The following ANK1 variants were observed in gnomAD, a reference collection of about 807,000 sequenced individuals.
The protein encoded by ANK1 is ankyrin-1.
Under a neutral mutation model 210.4 loss-of-function variants are expected in ANK1, and 51 were observed. The ratio of observed to expected loss-of-function variants is 0.24; its 90% CI spans 0.19 to 0.31. ANK1 has a LOEUF of 0.31. Among genes scored for constraint, ANK1 ranks in the 10% least tolerant of loss-of-function variants. The pLI is 1.00. For missense variants in ANK1, 2,051 were observed against 2,504.4 expected (o/e 0.82, Z 3.86); for synonymous variants, 967 against 1,025.9 (o/e 0.94, Z 1.10).
chr8:41,865,148 G>A (rs1402442071), intron 1 of ANK1, among the ~76,000 whole-genome samples: 1 of 152,154 alleles, frequency 6.6e-6, no homozygotes, highest in Admixed American at 6.5e-5. Context: ...AAGAGCTTGG[G>A]GTCCATGAGC....
Position 41,692,747 on chromosome 8 carries a change from C to T in ANK1, c.3759G>A (p.Glu1253=), listed in dbSNP as rs1819626077. The change falls in exon 31 of 43, where the codon GAG becomes GAA. Residue 1253 remains glutamate (E), a synonymous_variant. Coordinates refer to ENST00000289734, the MANE Select transcript of ANK1 (RefSeq NM_000037.4). The stretch of plus-strand genomic sequence containing the variant: ...TCATGCAGTAGCAGCGCAGGCGCCC[C>T]TCTCGGGGGTCATTCATCTTGGCAA... The part of the protein sequence containing the change: ...VIFAKMNDPR[E]GRLRCYCMTD... 1.2e-6 allele frequency: 2 copies of T among 1,614,106 alleles called. No homozygotes were observed. Among genetic ancestry groups the T allele is most frequent in the Middle Eastern group, 1.7e-4 (1 of 6,060 alleles).
intron 2 of ANK1, among the ~76,000 whole-genome samples, chr8:41,737,454 T>G (rs1163016185): frequency 1.3e-5 from 2 of 152,180 alleles, no homozygotes; most frequent in African/African-American, 4.8e-5. Flanking sequence ...TATTCATCAC[T>G]CTGATCTGCA....
At chr8:41,843,828 GAC>G (rs1449403747) in intron 1 of ANK1, among the ~76,000 whole-genome samples, 2 of 152,230 alleles carry the variant, frequency 1.3e-5, no homozygotes, top group Non-Finnish European at 2.9e-5. Context: ...ATCAGAGAGA[GAC>G]AGGTCGGGAA....
At chr8:41,677,486 T>C (rs1814539789) in intron 37 of ANK1, among the ~76,000 whole-genome samples, 1 of 152,152 alleles carries the variant, frequency 6.6e-6, no homozygotes, top group Non-Finnish European at 1.5e-5. Flanking sequence ...TATAGAAGTC[T>C]AGGTTACTTT....
chr8:41,686,414 C>G, intron 35 of ANK1, 131 bp from the exon 36 acceptor site: 1 of 1,176,448 alleles, frequency 8.5e-7, no homozygotes, highest in South Asian at 1.2e-5. Flanking sequence ...TCTGAGGCAG[C>G]CTCCCTGTGG....
chr8:41,732,313 A>G (rs1306047892), intron 3 of ANK1, among the ~76,000 whole-genome samples: 1 of 152,224 alleles, frequency 6.6e-6, no homozygotes. Context: ...AGAACTCCAG[A>G]AGAAAAACAT....
intron 1 of ANK1, among the ~76,000 whole-genome samples, chr8:41,863,589 A>G (rs1813720185): frequency 6.6e-6 from 1 of 152,210 alleles, no homozygotes; most frequent in South Asian, 2.1e-4. Context: ...TTTCTCACTT[A>G]TTAGTAGTAT....
intron 37 of ANK1, among the ~76,000 whole-genome samples, chr8:41,674,443 G>A (rs919162999): frequency 5.3e-5 from 8 of 152,274 alleles, no homozygotes; most frequent in East Asian, 1.9e-4. Context: ...TCGCTAAGGC[G>A]GTTCTCAGAA....
At chr8:41,859,342 G>A (rs1198876688) in intron 1 of ANK1, among the ~76,000 whole-genome samples, 1 of 147,742 alleles carries the variant, frequency 6.8e-6, no homozygotes, top group East Asian at 1.9e-4. Flanking sequence ...GTTTGTGTTT[G>A]TTTGTTTGTT....
At chr8:41,699,337 G>T in intron 23 of ANK1, 115 bp downstream of exon 23, 1 of 960,754 alleles carries the variant, frequency 1.0e-6, no homozygotes, top group Non-Finnish European at 1.7e-6. Context: ...CTCTCTCTGC[G>T]GGCAGCGAGC....
intron 1 of ANK1, among the ~76,000 whole-genome samples, chr8:41,858,465 G>A (rs1432677415): frequency 3.3e-5 from 5 of 152,218 alleles, no homozygotes; most frequent in African/African-American, 1.2e-4. Context: ...ACTGGGGGAG[G>A]CCCTGTGGGC....
At position 41,829,523 on chromosome 8, in the gene ANK1, C is replaced by G. The variant is rs534090195; in HGVS notation, c.126+66832G>C. ...CCCCAGCGTGCAGTCGATGCCTTCT[C>G]CTAGTCCCACTCACCGTGTAAGACC... is the stretch of plus-strand genomic sequence containing the variant. On this transcript the variant is annotated intron_variant, in intron 1 of 42. Transcript: ENST00000265709. 2.6e-5 allele frequency: 4 copies of G among 152,358 alleles called. No individual in the cohort carries two copies. The South Asian group carries it at 8.3e-4, about 32-fold the overall frequency. 9.4% of individuals were successfully genotyped at this position (152,358 alleles called of 1,614,324 possible). A position where few individuals can be genotyped will look rare whatever the true frequency, so the allele number is the denominator to read the frequency against.
intron 3 of ANK1, among the ~76,000 whole-genome samples, chr8:41,732,383 G>C (rs566526048): frequency 3.3e-5 from 5 of 152,244 alleles, no homozygotes; most frequent in Admixed American, 6.5e-5. Context: ...CAGTACTTGA[G>C]TTAGCAAATG....
At chr8:41,740,306 G>A (rs7838541) in intron 2 of ANK1, among the ~76,000 whole-genome samples, 31,835 of 151,748 alleles carry the variant, frequency 0.21, 4,240 homozygotes, top group South Asian at 0.29. Context: ...GATTACAGGC[G>A]TCTGCCACCA....
intron 38 of ANK1, 83 bp downstream of exon 38, chr8:41,672,271 C>T (rs80105613): frequency 0.029 from 42,624 of 1,492,074 alleles, 697 homozygotes; most frequent in Non-Finnish European, 0.034. Context: ...GGCATCGACA[C>T]CTCTGTCCTC....
chr8:41,664,713 C>G, intron 39 of ANK1: 3 of 1,312,250 alleles, frequency 2.3e-6, no homozygotes. Flanking sequence ...TCTCCCAACT[C>G]TGGGTCCGGA....
chr8:41,853,860 C>A (rs1462003149), intron 1 of ANK1, among the ~76,000 whole-genome samples: 1 of 152,066 alleles, frequency 6.6e-6, no homozygotes, highest in Non-Finnish European at 1.5e-5. Flanking sequence ...TCCTGGGCAC[C>A]AGCGATCCTC....
In ANK1 at chr8:41,708,919, A is replaced by G. The variant is rs1825412871; in HGVS notation, c.1857T>C (p.Arg619=). 6.2e-7 allele frequency: 1 copy of G among 1,614,096 alleles called. No homozygotes were observed. The highest frequency in any genetic ancestry group is 8.5e-7 in the Non-Finnish European group (1 of 1,180,024). ...AAKQNQVEVA[R]SLLQYGGSAN... ...CTGAGCCCCCATACTGCAGCAGACT[A>G]CGGGCCACCTCCACCTGGTTCTGCT... Residue 619 remains arginine, a synonymous_variant, in exon 17 of 43, where the codon CGT becomes CGC. Transcript: ENST00000289734.
chr8:41,849,162 C>T (rs914387297), intron 1 of ANK1, among the ~76,000 whole-genome samples: 1 of 152,256 alleles, frequency 6.6e-6, no homozygotes. Context: ...ACTTCATATC[C>T]TCTGCCCATC....
Sources: allele counts gnomAD v4.1 joint callset (sites outside exome capture counted in the v4.1 genomes callset), GRCh38; gene constraint gnomAD v4.1.1; transcripts MANE v1.5; gene names NCBI Gene and HGNC (gene_info 2026-07-23, HGNC 2026-07-21).